Variants in USH2A observed in about 807,000 individuals in gnomAD.
USH2A encodes usherin, also known as Usher syndrome 2A (autosomal recessive, mild).
Under a neutral mutation model 538.9 loss-of-function variants are expected in USH2A, and 443 were observed. That is an observed-to-expected ratio of 0.82 (90% CI 0.76 to 0.89). The LOEUF is 0.89. USH2A is among the 40% of genes least tolerant of loss of function. The probability of loss-of-function intolerance (pLI) is 0.00; values close to 1 mark genes in which losing one functional copy is unlikely to be tolerated. For missense variants in USH2A, 6,633 were observed against 6,324.8 expected (o/e 1.05, Z -1.65); for synonymous variants, 2,413 against 2,273.5 (o/e 1.06, Z -1.75).
intron 38 of USH2A, among the ~76,000 whole-genome samples, chr1:215,923,408 T>C (rs1000441035): frequency 3.9e-5 from 6 of 152,062 alleles, no homozygotes; most frequent in African/African-American, 1.4e-4. Flanking sequence ...CTCAGACTCT[T>C]TGAGGGGCAA....
intron 61 of USH2A, among the ~76,000 whole-genome samples, chr1:215,698,542 T>G (rs1429913230): frequency 6.6e-6 from 1 of 152,254 alleles, no homozygotes; most frequent in Non-Finnish European, 1.5e-5. Flanking sequence ...GGTATCTCAT[T>G]GTGGTTTTGA....
chr1:215,811,031 C>T (rs1662657796), intron 49 of USH2A, among the ~76,000 whole-genome samples: 1 of 152,004 alleles, frequency 6.6e-6, no homozygotes, highest in Non-Finnish European at 1.5e-5. Flanking sequence ...ACCACCTTTG[C>T]AAAAATTATG....
At chr1:215,940,008 G>A (rs1229579418) in intron 37 of USH2A, among the ~76,000 whole-genome samples, 2 of 152,060 alleles carry the variant, frequency 1.3e-5, no homozygotes, top group Non-Finnish European at 2.9e-5. Flanking sequence ...GACAAAGATT[G>A]TAACAGGAAC....
intron 70 of USH2A, among the ~76,000 whole-genome samples, chr1:215,633,517 G>A (rs547817172): frequency 6.6e-6 from 1 of 152,318 alleles, no homozygotes; most frequent in African/African-American, 2.4e-5. Context: ...AGATCTGGAA[G>A]GCAGATGGTG....
intron 34 of USH2A, among the ~76,000 whole-genome samples, chr1:215,994,046 T>C (rs374384065): frequency 2.0e-5 from 3 of 152,208 alleles, no homozygotes; most frequent in South Asian, 4.1e-4. Flanking sequence ...TATATCCTTA[T>C]ATAACAATGA....
chr1:216,331,811 A>G (rs528707503), intron 4 of USH2A, among the ~76,000 whole-genome samples: 5 of 152,144 alleles, frequency 3.3e-5, no homozygotes, highest in Non-Finnish European at 7.4e-5. Flanking sequence ...ATAGGTAAAA[A>G]CTATAAGACA....
At position 215,933,601 on chromosome 1, in the gene USH2A, C is replaced by T. The variant is rs116824979; in HGVS notation, c.7300+1015G>A. 9.9e-3 allele frequency among the ~76,000 whole-genome samples: 1,500 copies of T among 151,890 alleles called. 20 individuals carry two copies. The highest frequency in any genetic ancestry group is 0.035 in the African/African-American group (1,444 of 41,460). On this transcript the variant is annotated intron_variant, in intron 38 of 71. Transcript: ENST00000307340. ...GTAATGAATCTTTTTTGCAGGGGAG[C>T]GGTTCCATACAAACTGAAGATTCCC...
intron 3 of USH2A, among the ~76,000 whole-genome samples, chr1:216,381,367 C>T (rs972374606): frequency 6.6e-6 from 1 of 152,074 alleles, no homozygotes; most frequent in Non-Finnish European, 1.5e-5. Flanking sequence ...GAACATGTTG[C>T]TAAGGGAAGG....
At chr1:215,667,768 T>C (rs992337418) in intron 64 of USH2A, among the ~76,000 whole-genome samples, 3 of 152,056 alleles carry the variant, frequency 2.0e-5, no homozygotes, top group African/African-American at 7.2e-5. Context: ...CAAAAGAACT[T>C]ATCCATGCGA....
chr1:216,277,319 T>A (rs553666154), intron 11 of USH2A, among the ~76,000 whole-genome samples: 109 of 152,208 alleles, frequency 7.2e-4, no homozygotes, highest in African/African-American at 2.5e-3. Flanking sequence ...CATGAACAAA[T>A]CTTTTAACCT....
chr1:215,876,404 C>G (rs897191838), intron 43 of USH2A, among the ~76,000 whole-genome samples: 1 of 152,144 alleles, frequency 6.6e-6, no homozygotes, highest in Non-Finnish European at 1.5e-5. Context: ...CTTAGTTTTG[C>G]CATTCCCCAG....
intron 44 of USH2A, among the ~76,000 whole-genome samples, chr1:215,855,941 C>A (rs1163460541): frequency 6.6e-6 from 1 of 152,114 alleles, no homozygotes; most frequent in Non-Finnish European, 1.5e-5. Context: ...GGGTAAAGGA[C>A]AACCTATTCA....
At chr1:216,157,864 G>A (rs192032471) in intron 21 of USH2A, among the ~76,000 whole-genome samples, 18 of 152,256 alleles carry the variant, frequency 1.2e-4, no homozygotes, top group South Asian at 8.3e-4. Context: ...CACTACTTGC[G>A]TAATGGAACC....
chr1:216,052,709 T>C (rs1007608804), intron 30 of USH2A, among the ~76,000 whole-genome samples: 1 of 152,240 alleles, frequency 6.6e-6, no homozygotes, highest in East Asian at 1.9e-4. Flanking sequence ...GTCAAATATG[T>C]GGTCTTCATT....
intron 41 of USH2A, among the ~76,000 whole-genome samples, chr1:215,886,792 T>G (rs1453840924): frequency 6.6e-6 from 1 of 152,164 alleles, no homozygotes; most frequent in East Asian, 1.9e-4. Flanking sequence ...AGCTGATACT[T>G]TTAATTATTG....
chr1:216,110,822 G>A (rs376515799), intron 21 of USH2A, among the ~76,000 whole-genome samples: 2 of 152,144 alleles, frequency 1.3e-5, no homozygotes, highest in South Asian at 4.1e-4. Flanking sequence ...GCATTACAGG[G>A]CATCAATAAA....
At chr1:215,963,737 C>G (rs1212766263) in intron 37 of USH2A, among the ~76,000 whole-genome samples, 1 of 152,098 alleles carries the variant, frequency 6.6e-6, no homozygotes, top group African/African-American at 2.4e-5. Flanking sequence ...TCTGGAGTCC[C>G]TTGATCACCC....
Position 216,342,145 on chromosome 1 carries a change from T to C in USH2A, c.785-14491A>G, listed in dbSNP as rs140496173. ...AATCTGCAAGGAACTTAAACAAATG[T>C]ACAAGAAGAAAACAACCCCATCAAA... On this transcript the variant is annotated intron_variant, in intron 4 of 71. Coordinates refer to ENST00000307340, the MANE Select transcript of USH2A (RefSeq NM_206933.4). Among the ~76,000 whole-genome samples, 1,025 of 152,080 alleles carry C rather than the reference T, an allele frequency of 6.7e-3. 5 individuals carry two copies. Among genetic ancestry groups the C allele is most frequent in the East Asian group, 0.036 (184 of 5,154 alleles).
At chr1:215,960,358 T>A (rs747778523) in intron 37 of USH2A, among the ~76,000 whole-genome samples, 3 of 152,118 alleles carry the variant, frequency 2.0e-5, no homozygotes, top group Non-Finnish European at 4.4e-5. Context: ...GTTTTATTTT[T>A]TAAAAATTAT....
Sources: gnomAD v4.1 joint callset for allele counts (sites outside exome capture counted in the v4.1 genomes callset) on GRCh38, gnomAD v4.1.1 for gene constraint, MANE v1.5 for transcripts, NCBI Gene and HGNC (gene_info 2026-07-23, HGNC 2026-07-21) for gene names.